MOG: variants seen among roughly 807,000 people sequenced by gnomAD.
MOG encodes the protein myelin-oligodendrocyte glycoprotein.
In MOG, 20 loss-of-function variants were observed where a neutral mutation model predicts 35.9. The observed-to-expected ratio is 0.56, with a 90% CI of 0.39 to 0.81. The LOEUF (loss-of-function observed/expected upper bound fraction) is 0.81, where lower values mean the gene tolerates loss of function less well. MOG is among the 30% of genes least tolerant of loss of function. The probability of loss-of-function intolerance (pLI) is 0.00; values close to 1 mark genes in which losing one functional copy is unlikely to be tolerated. For missense variants in MOG, 251 were observed against 301.0 expected, an observed-to-expected ratio of 0.83 and a Z score of 1.23; for synonymous variants, 92 against 114.3, an observed-to-expected ratio of 0.80 and a Z score of 1.25.
chr6:29,658,839 T>A (rs1767787491), intron 1 of MOG, among the ~76,000 whole-genome samples: 1 of 152,118 alleles, frequency 6.6e-6, no homozygotes, highest in African/African-American at 2.4e-5. Flanking sequence ...TGAGGCCGGG[T>A]GTGGTGGTTT....
In MOG at chr6:29,657,131, G is replaced by A. The variant is rs924774966; in HGVS notation, c.-79G>A. 1.8e-5 allele frequency: 19 copies of A among 1,041,566 alleles called. No individual in the cohort carries two copies. Among genetic ancestry groups the A allele is most frequent in the Non-Finnish European group, 2.6e-5 (17 of 663,194 alleles). 64.5% of individuals were successfully genotyped at this position (1,041,566 alleles called of 1,614,324 possible). ...AGATCTTCCCTTGGGCTTTTCAGCA[G>A]TAAGGGGACATGCACCCCAAGGGCC... On this transcript the variant is annotated 5_prime_UTR_variant, in exon 1 of 8. Coordinates refer to ENST00000376917, the MANE Select transcript of MOG (RefSeq NM_206809.4).
In MOG at chr6:29,666,173, C is replaced by T. The variant is rs751268278; in HGVS notation, c.458C>T (p.Pro153Leu). ...KVEDPFYWVS[P>L]GVLVLLAVLP... ...TCAGATCCTTTCTACTGGGTGAGCC[C>T]TGGAGTGCTGGTTCTCCTCGCGGTG... Residue 153 changes from proline (P) to leucine (L), a missense_variant, in exon 3 of 8, where the codon CCT (proline) becomes CTT (leucine). By Grantham distance (98) the Pro-to-Leu change is moderately conservative. Transcript: ENST00000376917. 5.6e-6 allele frequency: 9 copies of T among 1,612,710 alleles called. No homozygotes were observed. The highest frequency in any genetic ancestry group is 7.6e-6 in the Non-Finnish European group (9 of 1,179,756).
At chr6:29,669,972 T>C in intron 5 of MOG, 2 of 646,054 alleles carry the variant, frequency 3.1e-6, no homozygotes, top group Admixed American at 2.4e-5. Flanking sequence ...GGTTTCACCA[T>C]GTTGGCCTGG....
rs756168816 is a variant in MOG at position 29,666,246 on chromosome 6, C to T, written c.531C>T (p.Cys177=). 2.5e-6 allele frequency: 4 copies of T among 1,607,384 alleles called. No homozygotes were observed. The highest frequency in any genetic ancestry group is 3.4e-6 in the Non-Finnish European group (4 of 1,175,000). Residue 177 remains cysteine, a synonymous_variant, in exon 3 of 8, where the codon TGC becomes TGT. Coordinates refer to ENST00000376917, the MANE Select transcript of MOG (RefSeq NM_206809.4). ...LQITVGLIFL[C]LQYRLRGKLR... is the part of the protein sequence containing the mutation. ...TCACTGTTGGCCTCATCTTCCTCTG[C>T]CTGCAGTACAGACTGAGAGGTACAG...
rs372834620 is a variant in MOG, at chr6:29,669,069, C to T, written c.592+1145C>T. Among the ~76,000 whole-genome samples, 342 of 151,664 alleles carry T rather than the reference C, an allele frequency of 2.3e-3. 8 individuals are homozygous for T. Among genetic ancestry groups the T allele is most frequent in the Middle Eastern group, 0.014 (4 of 292 alleles). ...CTGAGTAGCTGGGATTACAGGTGCCCGCCACCACACCCAGCTAATTTTTGT... is the reference window on the plus strand; with the variant it reads ...CTGAGTAGCTGGGATTACAGGTGCCTGCCACCACACCCAGCTAATTTTTGT... On this transcript the variant is annotated intron_variant, in intron 5 of 7. Transcript: ENST00000376917.
At chr6:29,669,900 A>C (rs1771080961) in intron 5 of MOG, among the ~76,000 whole-genome samples, 1 of 151,218 alleles carries the variant, frequency 6.6e-6, no homozygotes, top group African/African-American at 2.4e-5. Context: ...CCTCCTGAGT[A>C]GCTGGCATTA....
At position 29,670,183 on chromosome 6, in the gene MOG, G is replaced by T; in HGVS notation, c.593-98G>T. ...TGAATTTTGTCCCCAGAGTCCTTTG[G>T]TGTTCTAGGACCCCAGGTTAAGGAA... On this transcript the variant is annotated intron_variant, in intron 5 of 7. Coordinates refer to ENST00000376917, the MANE Select transcript of MOG (RefSeq NM_206809.4). The surrounding 1 kb of genome is among the most constrained non-coding windows in gnomAD (Gnocchi z 4.2). 6.2e-7 allele frequency: 1 copy of T among 1,610,846 alleles called. No individual in the cohort carries two copies. Among genetic ancestry groups the T allele is most frequent in the Non-Finnish European group, 8.5e-7 (1 of 1,177,000 alleles).
intron 1 of MOG, among the ~76,000 whole-genome samples, chr6:29,658,331 T>C (rs1767623328): frequency 6.6e-6 from 1 of 152,132 alleles, no homozygotes; most frequent in South Asian, 2.1e-4. Context: ...CAGCCTTATT[T>C]CTTAGTAGCT....
In MOG at chr6:29,670,636, G is replaced by C; in HGVS notation, c.710-65G>C. 2 of 1,600,544 alleles carry C rather than the reference G, an allele frequency of 1.2e-6. No individual in the cohort carries two copies. Among genetic ancestry groups the C allele is most frequent in the Non-Finnish European group, 1.7e-6 (2 of 1,173,462 alleles). On this transcript the variant is annotated intron_variant, in intron 6 of 7. Coordinates refer to ENST00000376917, the MANE Select transcript of MOG (RefSeq NM_206809.4). The surrounding 1 kb of genome is among the most constrained non-coding windows in gnomAD (Gnocchi z 4.2). ...TGTGGGTCACTCCAAATGTCCATAGGGAGGATGTGGGGAAGGTGCTATTCA... is the reference window on the plus strand; with the variant it reads ...TGTGGGTCACTCCAAATGTCCATAGCGAGGATGTGGGGAAGGTGCTATTCA...
In MOG at chr6:29,670,288, C is replaced by T. The variant is rs765185582; in HGVS notation, c.600C>T (p.His200=). 1.9e-6 allele frequency: 3 copies of T among 1,614,184 alleles called. No homozygotes were observed. Among genetic ancestry groups the T allele is most frequent in the South Asian group, 1.1e-5 (1 of 91,080 alleles). ...IENLHRTFDP[H]FLRVPCWKIT... ...TTCTGGTGAACAATTCAGATCCCCA[C>T]TTTCTGAGGGTGCCCTGCTGGAAGA... The change falls in exon 6 of 8, where the codon CAC becomes CAT. Residue 200 remains histidine (H), a synonymous_variant. Coordinates refer to ENST00000376917, the MANE Select transcript of MOG (RefSeq NM_206809.4). This position sits in a 1 kb window ranked among gnomAD's most constrained non-coding sequence, Gnocchi z 4.2.
Position 29,670,328 on chromosome 6 carries a change from A to C in MOG, c.640A>C (p.Ile214Leu). The C allele has an allele frequency of 6.2e-7, 1 of 1,614,124 alleles. No individual in the cohort carries two copies. Among genetic ancestry groups the C allele is most frequent in the Non-Finnish European group, 8.5e-7 (1 of 1,180,016 alleles). The change falls in exon 6 of 8, where the codon ATT becomes CTT. Residue 214 changes from isoleucine (I) to leucine (L), a missense_variant. Transcript: ENST00000376917. This position sits in a 1 kb window ranked among gnomAD's most constrained non-coding sequence, Gnocchi z 4.2. ...CTGCTGGAAGATAACCCTGTTTGTA[A>C]TTGTGCCGGTTCTTGGACCCTTGGT... The part of the protein sequence containing the change: ...VPCWKITLFV[I>L]VPVLGPLVAL...
rs189592769 is a variant in MOG, at chr6:29,664,828, C to T, written c.437-1324C>T. ...CACATTATGTTGCCCAGTCTGGCCT[C>T]GAGAACTCCTGGGCTCAAGCAATCT... On this transcript the variant is annotated intron_variant, in intron 2 of 7. Coordinates refer to ENST00000376917, the MANE Select transcript of MOG (RefSeq NM_206809.4). 5 of 302,696 alleles carry T rather than the reference C, an allele frequency of 1.7e-5. No homozygotes were observed. In the East Asian group the frequency reaches 3.7e-4, roughly 23 times the overall value. 18.8% of individuals were successfully genotyped at this position (302,696 alleles called of 1,614,324 possible). A position where few individuals can be genotyped will look rare whatever the true frequency, so the allele number is the denominator to read the frequency against.
intron 2 of MOG, among the ~76,000 whole-genome samples, chr6:29,665,405 G>A (rs1276668350): frequency 6.6e-6 from 1 of 151,872 alleles, no homozygotes; most frequent in African/African-American, 2.4e-5. Context: ...CAATATTTGT[G>A]ATTTTTATTG....
In MOG at chr6:29,657,791, G is replaced by A. The variant is rs1282578829; in HGVS notation, c.88+494G>A. On this transcript the variant is annotated intron_variant, in intron 1 of 7. Coordinates refer to ENST00000376917, the MANE Select transcript of MOG (RefSeq NM_206809.4). ...CCCAAAGTACTGGGATTATGGGCGT[G>A]AGCCACTGCACTAGGCCTAATTTTT... Among the ~76,000 whole-genome samples the A allele has an allele frequency of 2.0e-5, 3 of 150,946 alleles. No individual in the cohort carries two copies. The East Asian group carries it at 5.8e-4, about 29-fold the overall frequency.
At chr6:29,666,090 C>A in intron 2 of MOG, 62 bp from the exon 3 acceptor site, 1 of 1,017,860 alleles carries the variant, frequency 9.8e-7, no homozygotes, top group Non-Finnish European at 1.6e-6. Context: ...GGGCCCCAGA[C>A]ACCATGCTGA....
Position 29,671,652 on chromosome 6 carries a change from GA to G in MOG, c.*468del, listed in dbSNP as rs752262259. 1.1e-4 allele frequency: 69 copies of G among 624,616 alleles called. No homozygotes were observed. Among genetic ancestry groups the G allele is most frequent in the East Asian group, 7.4e-4 (27 of 36,688 alleles). The allele number at this position is 624,616 out of a possible 1,614,324, so 38.7% of individuals were successfully genotyped here. On this transcript the variant is annotated 3_prime_UTR_variant, in exon 8 of 8. Coordinates refer to ENST00000376917, the MANE Select transcript of MOG (RefSeq NM_206809.4). ...GGCATGTGAAGGGAAGGAAGAGGAA[GA>G]GTGCAAAACATTGAAGAGAGAGCTG...
Position 29,670,829 on chromosome 6 carries a change from AAGG to A in MOG, c.730+114_730+116del. On this transcript the variant is annotated intron_variant, in intron 7 of 7. Coordinates refer to ENST00000376917, the MANE Select transcript of MOG (RefSeq NM_206809.4). The surrounding 1 kb of genome is among the most constrained non-coding windows in gnomAD (Gnocchi z 4.2). ...ATTGAGGGATCACATTCCCAGAGGA[AAGG>A]AGGAGCTGGAGAGCCTGGGTGGAGG... 1 of 1,583,528 alleles carries A rather than the reference AAGG, an allele frequency of 6.3e-7. No homozygotes were observed. Among genetic ancestry groups the A allele is most frequent in the Non-Finnish European group, 8.6e-7 (1 of 1,163,778 alleles).
At chr6:29,664,046 G>A (rs1434071710) in intron 2 of MOG, 1 of 266,348 alleles carries the variant, frequency 3.8e-6, no homozygotes, top group African/African-American at 2.3e-5. Context: ...GGGGCTTTTG[G>A]ATGCTGAGGA....
At chr6:29,669,004 T>C (rs1770823773) in intron 5 of MOG, among the ~76,000 whole-genome samples, 1 of 151,914 alleles carries the variant, frequency 6.6e-6, no homozygotes, top group African/African-American at 2.4e-5. Context: ...CTAGGCTCAC[T>C]GAAACCTCTG....
Sources: allele counts gnomAD v4.1 joint callset (sites outside exome capture counted in the v4.1 genomes callset), GRCh38; gene constraint gnomAD v4.1.1; non-coding constraint Gnocchi (gnomAD v3.1); transcripts MANE v1.5; gene names NCBI Gene and HGNC (gene_info 2026-07-23, HGNC 2026-07-21).